The following DAB1 variants were observed in gnomAD, a reference collection of about 807,000 sequenced individuals.
The protein encoded by DAB1 is disabled homolog 1.
A neutral mutation model predicts 64.6 loss-of-function variants in DAB1; 15 were observed. The ratio of observed to expected loss-of-function variants is 0.23; its 90% CI spans 0.16 to 0.36. The LOEUF (loss-of-function observed/expected upper bound fraction) is 0.36, where lower values mean the gene tolerates loss of function less well. DAB1 is among the 10% of genes least tolerant of loss of function. DAB1 has a pLI of 1.00. For synonymous variants in DAB1, 235 were observed against 251.9 expected (o/e 0.93, Z 0.64); for missense variants, 596 against 706.7 (o/e 0.84, Z 1.78).
At chr1:58,265,486 C>T (rs190054686) in intron 4 of DAB1, among the ~76,000 whole-genome samples, 1 of 152,228 alleles carries the variant, frequency 6.6e-6, no homozygotes, top group Non-Finnish European at 1.5e-5. Context: ...CTTCCATTGA[C>T]ATTGCACTGT....
intron 1 of DAB1, among the ~76,000 whole-genome samples, chr1:57,418,627 A>T (rs1356308273): frequency 6.6e-6 from 1 of 152,192 alleles, no homozygotes; most frequent in Non-Finnish European, 1.5e-5. Context: ...CTTCACCACC[A>T]CAAAATTTTC....
chr1:57,476,898 C>T (rs887049821), intron 7 of DAB1, among the ~76,000 whole-genome samples: 1 of 152,166 alleles, frequency 6.6e-6, no homozygotes, highest in Non-Finnish European at 1.5e-5. Flanking sequence ...TCAAGCTTGA[C>T]CACTTGGCAC....
chr1:58,001,810 T>C (rs1317795954), intron 5 of DAB1, among the ~76,000 whole-genome samples: 1 of 152,206 alleles, frequency 6.6e-6, no homozygotes, highest in African/African-American at 2.4e-5. Flanking sequence ...AAAGAGTCTT[T>C]GCTGATATCA....
chr1:57,769,626 G>A (rs1461651332), intron 6 of DAB1, among the ~76,000 whole-genome samples: 2 of 152,148 alleles, frequency 1.3e-5, no homozygotes, highest in Admixed American at 1.3e-4. Flanking sequence ...GACAGGCCCA[G>A]GAAATACCCA....
At chr1:58,301,620 T>C (rs1662171944) in intron 4 of DAB1, among the ~76,000 whole-genome samples, 1 of 152,148 alleles carries the variant, frequency 6.6e-6, no homozygotes, top group South Asian at 2.1e-4. Context: ...GCATTGTTTT[T>C]CCCTCCTCTC....
chr1:57,698,090 C>T (rs1372182027), intron 6 of DAB1, among the ~76,000 whole-genome samples: 1 of 143,172 alleles, frequency 7.0e-6, no homozygotes, highest in Non-Finnish European at 1.5e-5. Context: ...AACTTGTCCA[C>T]TTTTTTTTTT....
intron 7 of DAB1, among the ~76,000 whole-genome samples, chr1:57,598,220 G>A (rs947594781): frequency 6.6e-6 from 1 of 152,224 alleles, no homozygotes; most frequent in Non-Finnish European, 1.5e-5. Context: ...CTGACCTCGT[G>A]ATCCACCCGC....
At chr1:58,220,974 G>A (rs1279102443) in intron 4 of DAB1, among the ~76,000 whole-genome samples, 1 of 148,624 alleles carries the variant, frequency 6.7e-6, no homozygotes, top group Non-Finnish European at 1.5e-5. Flanking sequence ...CAGCCCAGGT[G>A]GAAAGCTATG....
intron 4 of DAB1, among the ~76,000 whole-genome samples, chr1:58,280,371 C>A (rs760772331): frequency 3.9e-5 from 6 of 152,180 alleles, no homozygotes; most frequent in Non-Finnish European, 7.3e-5. Context: ...CATCAGAATG[C>A]ACTTTGGCAA....
intron 3 of DAB1, among the ~76,000 whole-genome samples, chr1:58,355,990 G>A (rs750056439): frequency 9.9e-5 from 15 of 152,158 alleles, no homozygotes; most frequent in Non-Finnish European, 1.5e-4. Flanking sequence ...ACTCATTAGG[G>A]AGAGGAAGGA....
chr1:57,980,170 T>A (rs1007865878), intron 5 of DAB1, among the ~76,000 whole-genome samples: 5 of 152,130 alleles, frequency 3.3e-5, no homozygotes, highest in African/African-American at 1.2e-4. Flanking sequence ...CTATTTAAAG[T>A]TCATGGCAAG....
chr1:57,274,870 C>T (rs995854718), intron 2 of DAB1, among the ~76,000 whole-genome samples: 1 of 140,528 alleles, frequency 7.1e-6, no homozygotes, highest in African/African-American at 2.8e-5. Flanking sequence ...GTGTGAGCCA[C>T]CGCGCTCAGC....
intron 1 of DAB1, among the ~76,000 whole-genome samples, chr1:58,540,862 T>G (rs928964477): frequency 6.7e-6 from 1 of 148,836 alleles, no homozygotes. Flanking sequence ...CCAAACTTGA[T>G]GAAAATTATA....
chr1:58,300,596 GAAAGAAAGAA>G (rs1393617672), intron 4 of DAB1, among the ~76,000 whole-genome samples: 10 of 41,174 alleles, frequency 2.4e-4, no homozygotes, highest in African/African-American at 7.2e-4. Flanking sequence ...AAGAAAGAAA[GAAAGAAAGAA>G]AGAAAGAGAG....
At chr1:57,269,407 G>A (rs11207002) in intron 2 of DAB1, among the ~76,000 whole-genome samples, 62,988 of 151,694 alleles carry the variant, frequency 0.42, 13,245 homozygotes, top group South Asian at 0.52. Flanking sequence ...GATGCCACTG[G>A]TTTACCCTGT....
At chr1:57,297,917 A>G (rs148684129) in intron 1 of DAB1, among the ~76,000 whole-genome samples, 3 of 152,232 alleles carry the variant, frequency 2.0e-5, no homozygotes, top group African/African-American at 7.2e-5. Flanking sequence ...GCAGAAGTCT[A>G]TGGACCAAAT....
At chr1:57,539,581 G>A (rs1318193821) in intron 7 of DAB1, among the ~76,000 whole-genome samples, 1 of 152,184 alleles carries the variant, frequency 6.6e-6, no homozygotes, top group Non-Finnish European at 1.5e-5. Context: ...ACAGAATGCT[G>A]AGCTGAATAA....
intron 1 of DAB1, among the ~76,000 whole-genome samples, chr1:57,862,160 T>C (rs985275280): frequency 6.6e-6 from 1 of 152,232 alleles, no homozygotes. Context: ...TCTTACTATA[T>C]GCTAAGCACG....
intron 4 of DAB1, among the ~76,000 whole-genome samples, chr1:58,232,033 G>C (rs901433478): frequency 6.6e-6 from 1 of 152,116 alleles, no homozygotes; most frequent in African/African-American, 2.4e-5. Context: ...AAACTATTTT[G>C]TGCTATTTTG....
Sources: gnomAD v4.1 joint callset for allele counts (sites outside exome capture counted in the v4.1 genomes callset) on GRCh38, gnomAD v4.1.1 for gene constraint, MANE v1.5 for transcripts, NCBI Gene and HGNC (gene_info 2026-07-23, HGNC 2026-07-21) for gene names.